GALNS: variants seen among roughly 807,000 people sequenced by gnomAD.
The protein encoded by GALNS is N-acetylgalactosamine-6-sulfatase.
GALNS carries 65 observed loss-of-function variants against 65.9 expected under a neutral mutation model. The observed-to-expected ratio is 0.99, with a 90% CI of 0.81 to 1.21. The LOEUF (loss-of-function observed/expected upper bound fraction) is 1.21, where lower values mean the gene tolerates loss of function less well. Ranked by LOEUF, GALNS falls within the 50% of genes most tolerant of loss-of-function variation. The pLI, the probability that GALNS is intolerant of heterozygous loss-of-function variation, is 0.00. For synonymous variants in GALNS, 346 were observed against 288.9 expected, an observed-to-expected ratio of 1.20 and a Z score of -2.00; for missense variants, 776 against 700.7, an observed-to-expected ratio of 1.11 and a Z score of -1.21.
chr16:88,816,242 T>C, intron 13 of GALNS: 1 of 985,324 alleles, frequency 1.0e-6, no homozygotes, highest in East Asian at 1.1e-4. Flanking sequence ...GTGCCCACTG[T>C]CTCCATGGCA....
At chr16:88,855,610 T>C (rs1466285361) in intron 1 of GALNS, 4 of 637,088 alleles carry the variant, frequency 6.3e-6, no homozygotes, top group African/African-American at 1.8e-5. Flanking sequence ...ATGGGTGGTG[T>C]CTGTTATCTT....
intron 1 of GALNS, chr16:88,843,030 C>G: frequency 6.6e-7 from 1 of 1,525,446 alleles, no homozygotes. Context: ...CAGCCCAAAC[C>G]TCAGCATCGC....
intron 12 of GALNS, 89 bp downstream of exon 12, chr16:88,822,500 G>A: frequency 6.4e-7 from 1 of 1,552,504 alleles, no homozygotes; most frequent in Non-Finnish European, 8.8e-7. Flanking sequence ...GGCGGGCAGG[G>A]TGCAGAGGGC....
In GALNS at chr16:88,842,722, G is replaced by A. The variant is rs147599478; in HGVS notation, c.228C>T (p.Asn76=). 4 of 1,612,896 alleles carry A rather than the reference G, an allele frequency of 2.5e-6. No individual in the cohort carries two copies. The African/African-American group carries it at 5.3e-5, about 22-fold the overall frequency. Residue 76 remains asparagine, a synonymous_variant, in exon 2 of 14, where the codon AAC becomes AAT. Coordinates refer to ENST00000268695, the MANE Select transcript of GALNS (RefSeq NM_000512.5). The part of the protein sequence containing the change: ...GLLFPNFYSA[N]PLCSPSRAAL... ...CTGACTTACATGGCGAGCACAGAGG[G>A]TTGGCAGAATAGAAGTTTGGGAAAA...
At chr16:88,815,472 G>A (rs1597517674) in intron 13 of GALNS, 1 of 985,492 alleles carries the variant, frequency 1.0e-6, no homozygotes, top group Non-Finnish European at 1.2e-6. Flanking sequence ...TCGCCTGGGT[G>A]TGTGTGGACC....
intron 12 of GALNS, among the ~76,000 whole-genome samples, chr16:88,819,628 G>T (rs966968006): frequency 1.3e-5 from 2 of 152,282 alleles, no homozygotes; most frequent in Non-Finnish European, 2.9e-5. Flanking sequence ...GACCTTCCAG[G>T]CTCAAGCGAT....
intron 10 of GALNS, among the ~76,000 whole-genome samples, chr16:88,825,990 G>A (rs1045705144): frequency 3.3e-5 from 5 of 152,206 alleles, no homozygotes; most frequent in African/African-American, 1.2e-4. Flanking sequence ...TGCTCTCAGG[G>A]GGTAGGAAAT....
chr16:88,834,843 G>A (rs1226639682), intron 8 of GALNS, among the ~76,000 whole-genome samples: 2 of 152,108 alleles, frequency 1.3e-5, no homozygotes, highest in African/African-American at 4.8e-5. Context: ...AGGGCTGCTC[G>A]GGGTCTGGGG....
At chr16:88,829,320 G>A (rs1911250815) in intron 9 of GALNS, among the ~76,000 whole-genome samples, 1 of 152,224 alleles carries the variant, frequency 6.6e-6, no homozygotes, top group South Asian at 2.1e-4. Flanking sequence ...GGGCGGCACA[G>A]CTGCATTCTG....
At chr16:88,815,083 A>C in intron 13 of GALNS, 3 of 985,214 alleles carry the variant, frequency 3.0e-6, no homozygotes, top group Non-Finnish European at 3.6e-6. Flanking sequence ...GACCCCAACC[A>C]ATTGGCCTCA....
chr16:88,826,134 CA>C (rs1910869599), intron 10 of GALNS, among the ~76,000 whole-genome samples: 1 of 136,754 alleles, frequency 7.3e-6, no homozygotes, highest in African/African-American at 2.8e-5. Flanking sequence ...GGGCAGGGAA[CA>C]GGGGTGGGGC....
chr16:88,833,077 C>CA (rs869226834), intron 8 of GALNS, among the ~76,000 whole-genome samples: 3,682 of 73,874 alleles, frequency 0.05, 127 homozygotes, highest in Non-Finnish European at 0.073. Flanking sequence ...GACTCCTTCT[C>CA]AAAAAAAAAA....
At chr16:88,817,608 C>T (rs1361899333) in intron 13 of GALNS, among the ~76,000 whole-genome samples, 1 of 152,210 alleles carries the variant, frequency 6.6e-6, no homozygotes, top group Non-Finnish European at 1.5e-5. Context: ...TGGAGGTCAT[C>T]ACAGGGCCCC....
At chr16:88,853,881 CCT>C (rs1160677570) in intron 1 of GALNS, among the ~76,000 whole-genome samples, 22 of 152,320 alleles carry the variant, frequency 1.4e-4, no homozygotes, top group South Asian at 2.1e-4. Flanking sequence ...TGCTCTCACC[CCT>C]GAGTCCCAGC....
Position 88,817,856 on chromosome 16 carries a change from G to A in GALNS, c.1482+151C>T, listed in dbSNP as rs550732538. 551 of 717,254 alleles carry A rather than the reference G, an allele frequency of 7.7e-4. 3 individuals carry two copies. In the East Asian group the frequency reaches 0.013, roughly 18 times the overall value. 44.4% of individuals were successfully genotyped at this position (717,254 alleles called of 1,614,324 possible). A position where few individuals can be genotyped will look rare whatever the true frequency, so the allele number is the denominator to read the frequency against. On this transcript the variant is annotated intron_variant, in intron 13 of 13. Coordinates refer to ENST00000268695, the MANE Select transcript of GALNS (RefSeq NM_000512.5). ...TGCCTCCCGAATCCCGGACGCCGCC[G>A]CGTGTGCTCTGAGGCACGAGGGCCT...
At chr16:88,842,963 G>C in intron 1 of GALNS, 134 bp from the exon 2 acceptor site, 2 of 1,530,208 alleles carry the variant, frequency 1.3e-6, no homozygotes, top group Non-Finnish European at 1.8e-6. Context: ...GCCAGCGGCA[G>C]AGCTCGGCCA....
At chr16:88,826,860 C>T (rs751954095) in intron 9 of GALNS, 22 bp from the exon 10 acceptor site, 41 of 1,560,896 alleles carry the variant, frequency 2.6e-5, no homozygotes, top group African/African-American at 4.1e-5. Flanking sequence ...GGCAGCAACA[C>T]GGTCAGGGCA....
chr16:88,827,298 G>A (rs1250402290), intron 9 of GALNS, among the ~76,000 whole-genome samples: 2 of 152,204 alleles, frequency 1.3e-5, no homozygotes, highest in East Asian at 1.9e-4. Context: ...GGGTGGGGAC[G>A]GCTCCTGACA....
intron 1 of GALNS, among the ~76,000 whole-genome samples, chr16:88,854,610 A>G (rs1967687904): frequency 6.6e-6 from 1 of 152,198 alleles, no homozygotes; most frequent in Non-Finnish European, 1.5e-5. Flanking sequence ...TGAGACCCAC[A>G]TCACGCTAAC....
Sources: gnomAD v4.1 joint callset for allele counts (sites outside exome capture counted in the v4.1 genomes callset) on GRCh38, gnomAD v4.1.1 for gene constraint, MANE v1.5 for transcripts, NCBI Gene and HGNC (gene_info 2026-07-23, HGNC 2026-07-21) for gene names.